CELF2: variants seen among roughly 807,000 people sequenced by gnomAD.
CELF2 encodes the protein CUGBP Elav-like family member 2.
In CELF2, 8 loss-of-function variants were observed where a neutral mutation model predicts 62.6. That is an observed-to-expected ratio of 0.13 (90% CI 0.07 to 0.23). CELF2 has a LOEUF of 0.23. Ranked by LOEUF, CELF2 falls within the 10% of genes least tolerant of loss-of-function variation. The pLI, the probability that CELF2 is intolerant of heterozygous loss-of-function variation, is 1.00. For synonymous variants in CELF2, 258 were observed against 250.0 expected, an observed-to-expected ratio of 1.03 and a Z score of -0.30; for missense variants, 333 against 671.0, an observed-to-expected ratio of 0.50 and a Z score of 5.56.
chr10:11,180,061 A>G (rs966213543), intron 2 of CELF2, among the ~76,000 whole-genome samples: 6 of 152,192 alleles, frequency 3.9e-5, no homozygotes, highest in African/African-American at 1.4e-4. Flanking sequence ...GGTGCTCCTC[A>G]GTCACTGGGG....
the CELF2 span, among the ~76,000 whole-genome samples, chr10:10,640,456 T>C: frequency 6.6e-6 from 1 of 152,318 alleles, no homozygotes; most frequent in African/African-American, 2.4e-5. Flanking sequence ...TTCTCCAATA[T>C]CCCCTTCCCC....
At chr10:11,150,322 C>G (rs2063092112) in intron 1 of CELF2, among the ~76,000 whole-genome samples, 1 of 152,206 alleles carries the variant, frequency 6.6e-6, no homozygotes, top group Non-Finnish European at 1.5e-5. Flanking sequence ...CCCAGCATAG[C>G]AAGTGTGTGC....
the CELF2 span, among the ~76,000 whole-genome samples, chr10:10,610,336 T>A: frequency 6.6e-6 from 1 of 152,214 alleles, no homozygotes; most frequent in African/African-American, 2.4e-5. Context: ...CTTCACACGC[T>A]CTCTCCCTCA....
At chr10:10,621,597 C>T in the CELF2 span, among the ~76,000 whole-genome samples, 43 of 152,262 alleles carry the variant, frequency 2.8e-4, no homozygotes, top group Admixed American at 5.2e-4. Flanking sequence ...AGTCACCTAC[C>T]ATGGTGCCTA....
At position 11,165,030 on chromosome 10, in the gene CELF2, A is replaced by G. The variant is rs1347957693; in HGVS notation, c.75-456A>G. Reference sequence around the variant, plus strand: ...TCTCCTCTCTTCCAAAAACCTCCCAAAAAGGGCGGTGGGGCGGGGGGCGGG... The same window carrying G: ...TCTCCTCTCTTCCAAAAACCTCCCAGAAAGGGCGGTGGGGCGGGGGGCGGG... On this transcript the variant is annotated intron_variant, in intron 1 of 12. Coordinates refer to ENST00000633077, the MANE Select transcript of CELF2 (RefSeq NM_001326342.2). This position sits in a 1 kb window ranked among gnomAD's most constrained non-coding sequence, Gnocchi z 7.4. 7.2e-6 allele frequency: 5 copies of G among 696,092 alleles called. 1 individual carries two copies. In the East Asian group the frequency reaches 6.2e-4, roughly 86 times the overall value. 43.1% of individuals were successfully genotyped at this position (696,092 alleles called of 1,614,324 possible).
the CELF2 span, among the ~76,000 whole-genome samples, chr10:10,778,086 T>A: frequency 6.6e-6 from 1 of 152,140 alleles, no homozygotes; most frequent in Non-Finnish European, 1.5e-5. Flanking sequence ...GCACCCCATA[T>A]TTTGGAAAGA....
chr10:11,244,930 C>T lies in CELF2; in HGVS notation c.355-4223C>T, dbSNP rs1413081816. Reference sequence around the variant, plus strand: ...GTGTCTGGTGTCTCTTCTCTGAGTTCGCACCGTACAGCTCTTACCACGTCT... The same window carrying T: ...GTGTCTGGTGTCTCTTCTCTGAGTTTGCACCGTACAGCTCTTACCACGTCT... On this transcript the variant is annotated intron_variant, in intron 3 of 12. Coordinates refer to ENST00000633077, the MANE Select transcript of CELF2 (RefSeq NM_001326342.2). This position sits in a 1 kb window ranked among gnomAD's most constrained non-coding sequence, Gnocchi z 4.2. Among the ~76,000 whole-genome samples the T allele has an allele frequency of 7.2e-5, 11 of 152,118 alleles. No homozygotes were observed. The highest frequency in any genetic ancestry group is 2.7e-4 in the African/African-American group (11 of 41,436).
the CELF2 span, among the ~76,000 whole-genome samples, chr10:10,627,817 G>T: frequency 6.6e-6 from 1 of 152,218 alleles, no homozygotes; most frequent in African/African-American, 2.4e-5. Flanking sequence ...TCTACCAGAA[G>T]ATAAGCTCCA....
chr10:11,145,794 A>C lies in CELF2; in HGVS notation c.75-19692A>C. On this transcript the variant is annotated intron_variant, in intron 1 of 12. Transcript: ENST00000633077. This position sits in a 1 kb window ranked among gnomAD's most constrained non-coding sequence, Gnocchi z 4.3. ...TGTCATTACCAGTATTGGTTGCACT[A>C]CTGTAGCGTTCTGGGTGCTGGGGAT... 6.6e-6 allele frequency among the ~76,000 whole-genome samples: 1 copy of C among 152,334 alleles called. No homozygotes were observed. Among genetic ancestry groups the C allele is most frequent in the African/African-American group, 2.4e-5 (1 of 41,584 alleles).
rs1257228171 is a variant in CELF2 at position 11,211,514 on chromosome 10, G to T, written c.272-5911G>T. ...CACTGAAAAATATAAATACGTTATT[G>T]CTCTTTGATTCACAGCAAACCGTGA... is the stretch of plus-strand genomic sequence containing the variant. On this transcript the variant is annotated intron_variant, in intron 2 of 12. Transcript: ENST00000633077. This position sits in a 1 kb window ranked among gnomAD's most constrained non-coding sequence, Gnocchi z 4.8. Among the ~76,000 whole-genome samples, 1 of 152,050 alleles carries T rather than the reference G, an allele frequency of 6.6e-6. No homozygotes were observed. The highest frequency in any genetic ancestry group is 2.4e-5 in the African/African-American group (1 of 41,378).
chr10:10,969,180 C>G (rs558465637), intron 2 of CELF2, among the ~76,000 whole-genome samples: 1 of 152,180 alleles, frequency 6.6e-6, no homozygotes, highest in African/African-American at 2.4e-5. Context: ...TCACTTGAAC[C>G]TGGGAGGCGG....
chr10:10,473,957 C>T, the CELF2 span, among the ~76,000 whole-genome samples: 1 of 151,956 alleles, frequency 6.6e-6, no homozygotes, highest in African/African-American at 2.4e-5. Flanking sequence ...TCAGACAAAC[C>T]CGGGATTATA....
Position 10,986,784 on chromosome 10 carries a change from A to G in CELF2, c.89+66785A>G, listed in dbSNP as rs1364170556. 2.0e-5 allele frequency among the ~76,000 whole-genome samples: 3 copies of G among 152,194 alleles called. No individual in the cohort carries two copies. The East Asian group carries it at 5.8e-4, about 29-fold the overall frequency. Reference sequence around the variant, plus strand: ...GCCACATTGCAATGTGGCCAGGCTCACAGGGAGGAATGTGTGAGATAAACA... The same window carrying G: ...GCCACATTGCAATGTGGCCAGGCTCGCAGGGAGGAATGTGTGAGATAAACA... On this transcript the variant is annotated intron_variant, in intron 2 of 13. Transcript: ENST00000636488.
Position 11,227,787 on chromosome 10 carries a change from G to T in CELF2, c.354+10280G>T, listed in dbSNP as rs764299134. 6.6e-6 allele frequency among the ~76,000 whole-genome samples: 1 copy of T among 152,152 alleles called. No individual in the cohort carries two copies. The highest frequency in any genetic ancestry group is 1.5e-5 in the Non-Finnish European group (1 of 68,032). On this transcript the variant is annotated intron_variant, in intron 3 of 12. Coordinates refer to ENST00000633077, the MANE Select transcript of CELF2 (RefSeq NM_001326342.2). This position sits in a 1 kb window ranked among gnomAD's most constrained non-coding sequence, Gnocchi z 4.8. ...CTGGCACTTTCTACAACACTGTCACGCATCAGGGACGAGGGTACCGAGTGA... is the reference window on the plus strand; with the variant it reads ...CTGGCACTTTCTACAACACTGTCACTCATCAGGGACGAGGGTACCGAGTGA...
chr10:10,843,098 T>C (rs1408840376), intron 1 of CELF2, among the ~76,000 whole-genome samples: 3 of 152,050 alleles, frequency 2.0e-5, no homozygotes, highest in Non-Finnish European at 4.4e-5. Flanking sequence ...ATAATATTTC[T>C]TTATTATCCC....
chr10:10,537,793 A>G, the CELF2 span, among the ~76,000 whole-genome samples: 1 of 152,020 alleles, frequency 6.6e-6, no homozygotes, highest in Non-Finnish European at 1.5e-5. Flanking sequence ...AACAACTGAC[A>G]TTTTCTTACC....
At chr10:10,632,878 A>C in the CELF2 span, among the ~76,000 whole-genome samples, 1 of 152,332 alleles carries the variant, frequency 6.6e-6, no homozygotes, top group South Asian at 2.1e-4. Flanking sequence ...GATTATGTAT[A>C]TCAATATTTG....
At chr10:11,256,113 G>A (rs1306949754) in intron 4 of CELF2, among the ~76,000 whole-genome samples, 1 of 152,226 alleles carries the variant, frequency 6.6e-6, no homozygotes, top group South Asian at 2.1e-4. Flanking sequence ...GCCTTTAGCT[G>A]TCTCCTCTAG....
At chr10:11,254,949 C>G (rs1490948412) in intron 4 of CELF2, among the ~76,000 whole-genome samples, 1 of 152,196 alleles carries the variant, frequency 6.6e-6, no homozygotes, top group Non-Finnish European at 1.5e-5. Context: ...CCTTCCCGTT[C>G]ACGGGAATGC....
Sources: gnomAD v4.1 joint callset for allele counts (sites outside exome capture counted in the v4.1 genomes callset) on GRCh38, gnomAD v4.1.1 for gene constraint, Gnocchi (gnomAD v3.1) non-coding constraint, MANE v1.5 for transcripts, NCBI Gene and HGNC (gene_info 2026-07-23, HGNC 2026-07-21) for gene names.